POU6F2: variants seen among roughly 807,000 people sequenced by gnomAD.
The protein encoded by POU6F2 is POU class 6 homeobox 2, also known as POU domain, class 6, transcription factor 2.
In POU6F2, 31 loss-of-function variants were observed where a neutral mutation model predicts 71.3. The observed-to-expected ratio is 0.43, with a 90% CI of 0.33 to 0.59. POU6F2 has a LOEUF of 0.59. POU6F2 is among the 20% of genes least tolerant of loss of function. The probability of loss-of-function intolerance (pLI) is 0.04; values close to 1 mark genes in which losing one functional copy is unlikely to be tolerated. For synonymous variants in POU6F2, 347 were observed against 355.7 expected (o/e 0.98, Z 0.27); for missense variants, 783 against 856.8 (o/e 0.91, Z 1.07).
At chr7:39,227,708 C>T (rs1794496166) in intron 4 of POU6F2, among the ~76,000 whole-genome samples, 1 of 152,080 alleles carries the variant, frequency 6.6e-6, no homozygotes, top group Non-Finnish European at 1.5e-5. Flanking sequence ...GCATCCGCCA[C>T]CACGCTTGGC....
rs544617179 is a variant in POU6F2, at chr7:39,180,646, A to G, written c.278-23589A>G. Reference sequence around the variant, plus strand: ...TCATGGCTGGCTTCATGGCTGTGTGATTCATGCAGGCGCTTAGGACCCCAA... The same window carrying G: ...TCATGGCTGGCTTCATGGCTGTGTGGTTCATGCAGGCGCTTAGGACCCCAA... On this transcript the variant is annotated intron_variant, in intron 2 of 9. Coordinates refer to ENST00000518318, the MANE Select transcript of POU6F2 (RefSeq NM_001370959.1). Among the ~76,000 whole-genome samples, 282 of 152,148 alleles carry G rather than the reference A, an allele frequency of 1.9e-3. 1 individual carries two copies. Among genetic ancestry groups the G allele is most frequent in the African/African-American group, 6.4e-3 (267 of 41,502 alleles).
intron 1 of POU6F2, among the ~76,000 whole-genome samples, chr7:39,072,902 A>G (rs1008467577): frequency 6.6e-6 from 1 of 152,228 alleles, no homozygotes; most frequent in African/African-American, 2.4e-5. Context: ...CCTAATCTAC[A>G]TACATAGAAC....
At chr7:39,005,570 G>A (rs1562664760) in intron 1 of POU6F2, among the ~76,000 whole-genome samples, 1 of 151,732 alleles carries the variant, frequency 6.6e-6, no homozygotes, top group Admixed American at 6.6e-5. Context: ...GCACGTGTAT[G>A]TAGGTTGGGT....
rs201463016 is a variant in POU6F2, at chr7:39,406,583, C to T, written c.973-17C>T. The T allele has an allele frequency of 2.5e-6, 4 of 1,603,178 alleles. No individual in the cohort carries two copies. The highest frequency in any genetic ancestry group is 3.4e-6 in the Non-Finnish European group (4 of 1,174,924). On this transcript the variant is annotated splice_polypyrimidine_tract_variant and intron_variant, in intron 5 of 9. Transcript: ENST00000518318. ...GCCTCTCGGTGGTTTTCACGGTGATCTTTTCTCTCTTTGCAGCTGGTTAAT... is the reference window on the plus strand; with the variant it reads ...GCCTCTCGGTGGTTTTCACGGTGATTTTTTCTCTCTTTGCAGCTGGTTAAT...
intron 1 of POU6F2, among the ~76,000 whole-genome samples, chr7:39,061,712 A>G (rs1383847333): frequency 6.6e-6 from 1 of 152,174 alleles, no homozygotes; most frequent in African/African-American, 2.4e-5. Flanking sequence ...CCAAAATTCT[A>G]ATTTTTTTCT....
At chr7:39,149,909 G>T (rs1178610453) in intron 2 of POU6F2, among the ~76,000 whole-genome samples, 3 of 146,356 alleles carry the variant, frequency 2.0e-5, no homozygotes, top group Non-Finnish European at 4.5e-5. Flanking sequence ...TTCTTGAGAC[G>T]GAGTCTCGCT....
intron 1 of POU6F2, among the ~76,000 whole-genome samples, chr7:39,062,915 A>G (rs1201873686): frequency 2.0e-5 from 3 of 151,774 alleles, no homozygotes; most frequent in African/African-American, 7.3e-5. Context: ...GGGGAGAATA[A>G]GATCAGGAAT....
chr7:39,171,016 C>CTTT lies in POU6F2; in HGVS notation c.278-33196_278-33194dup, dbSNP rs760022218. Among the ~76,000 whole-genome samples the CTTT allele has an allele frequency of 1.1e-3, 103 of 94,576 alleles. 1 individual carries two copies. The highest frequency in any genetic ancestry group is 3.6e-3 in the African/African-American group (89 of 24,408). The allele number at this position is 94,576 out of a possible 152,430, so 62.0% of individuals were successfully genotyped here. On this transcript the variant is annotated intron_variant, in intron 2 of 9. Coordinates refer to ENST00000518318, the MANE Select transcript of POU6F2 (RefSeq NM_001370959.1). ...GAATTTAAATGTAGTTCACATATAT[C>CTTT]TTTTTTTTTTTTTTTTTTTTTTTTT...
intron 6 of POU6F2, among the ~76,000 whole-genome samples, chr7:39,407,505 G>C (rs1045867520): frequency 6.6e-6 from 1 of 150,690 alleles, no homozygotes; most frequent in African/African-American, 2.4e-5. Flanking sequence ...ACGAGATGAA[G>C]CTGATGATGT....
chr7:39,101,639 G>C (rs955008245), intron 2 of POU6F2, among the ~76,000 whole-genome samples: 1 of 151,990 alleles, frequency 6.6e-6, no homozygotes. Context: ...ATATGTTTCA[G>C]GGACTATAGT....
intron 2 of POU6F2, among the ~76,000 whole-genome samples, chr7:39,177,019 G>A (rs1008536084): frequency 3.3e-5 from 5 of 152,166 alleles, no homozygotes; most frequent in Admixed American, 6.5e-5. Flanking sequence ...TTCCTTCTAT[G>A]CTATGGCTCA....
In POU6F2 at chr7:39,207,566, G is replaced by A. The variant is rs747646988; in HGVS notation, c.544G>A (p.Val182Met). Residue 182 changes from valine (V) to methionine (M), a missense_variant, in exon 4 of 10, where the codon GTG becomes ATG. Val to Met is a conservative substitution (Grantham distance 21, BLOSUM62 1). Around this residue, in one of 2 missense-constraint regions of POU6F2, gnomAD observed 572 missense variants for 572.9 expected, o/e 1.00. Transcript: ENST00000518318. Reference protein sequence around the residue: ...TANLTNIQGLVAAAAAGGIMT... With the variant: ...TANLTNIQGLMAAAAAGGIMT... ...GAATCTCACCAACATCCAAGGGCTG[G>A]TGGCAGCAGCTGCAGCCGGAGGCAT... 6.2e-7 allele frequency: 1 copy of A among 1,614,014 alleles called. No individual in the cohort carries two copies. The highest frequency in any genetic ancestry group is 8.5e-7 in the Non-Finnish European group (1 of 1,179,872).
At chr7:39,144,955 G>A (rs986108428) in intron 2 of POU6F2, among the ~76,000 whole-genome samples, 7 of 152,158 alleles carry the variant, frequency 4.6e-5, no homozygotes, top group Middle Eastern at 3.4e-3. Flanking sequence ...TGACTCATGC[G>A]GAATTTACAA....
chr7:39,170,226 T>C (rs1296002432), intron 2 of POU6F2, among the ~76,000 whole-genome samples: 1 of 152,196 alleles, frequency 6.6e-6, no homozygotes, highest in African/African-American at 2.4e-5. Context: ...CTTTACATAT[T>C]TCTATTGCTT....
chr7:39,155,894 A>G (rs1176621216), intron 2 of POU6F2, among the ~76,000 whole-genome samples: 2 of 152,196 alleles, frequency 1.3e-5, no homozygotes, highest in Non-Finnish European at 2.9e-5. Flanking sequence ...TTAGCCACCC[A>G]TATTAAACAA....
At chr7:39,021,400 A>G (rs1345393148) in intron 1 of POU6F2, among the ~76,000 whole-genome samples, 4 of 151,934 alleles carry the variant, frequency 2.6e-5, no homozygotes. Flanking sequence ...TCGAAACTCT[A>G]TTTATAGCCT....
intron 2 of POU6F2, among the ~76,000 whole-genome samples, chr7:39,140,357 G>T (rs963680913): frequency 1.3e-5 from 2 of 152,176 alleles, no homozygotes; most frequent in East Asian, 3.9e-4. Flanking sequence ...AGGGCATAGG[G>T]GAGTGCATTA....
At chr7:39,409,681 G>A (rs1004010504) in intron 6 of POU6F2, among the ~76,000 whole-genome samples, 8 of 151,784 alleles carry the variant, frequency 5.3e-5, no homozygotes, top group Non-Finnish European at 8.9e-5. Flanking sequence ...AGATGTCCTC[G>A]GCTGGGCAGA....
Position 39,434,631 on chromosome 7 carries a change from G to GT in POU6F2, c.1320+1356dup, listed in dbSNP as rs1399834019. On this transcript the variant is annotated intron_variant, in intron 7 of 9. Coordinates refer to ENST00000518318, the MANE Select transcript of POU6F2 (RefSeq NM_001370959.1). ...AGATCTATGAGAGGTTTGTTTTTGG[G>GT]TTTTTTTTAAACTTCTTCTAAAAAA... is the stretch of plus-strand genomic sequence containing the variant. 2.1e-3 allele frequency among the ~76,000 whole-genome samples: 320 copies of GT among 149,464 alleles called. 2 individuals are homozygous for GT. Among genetic ancestry groups the GT allele is most frequent in the African/African-American group, 6.7e-3 (272 of 40,372 alleles).
Sources: gnomAD v4.1 joint callset for allele counts (sites outside exome capture counted in the v4.1 genomes callset) on GRCh38, gnomAD v4.1.1 for gene constraint, gnomAD v4.1.1 regional missense constraint, MANE v1.5 for transcripts, NCBI Gene and HGNC (gene_info 2026-07-23, HGNC 2026-07-21) for gene names.